The following ZFHX4 variants were observed in gnomAD, a reference collection of about 807,000 sequenced individuals.
ZFHX4 encodes zinc finger homeobox protein 4.
In ZFHX4, 56 loss-of-function variants were observed where a neutral mutation model predicts 267.6. The ratio of observed to expected loss-of-function variants is 0.21; its 90% CI spans 0.17 to 0.26. ZFHX4 has a LOEUF of 0.26. Among genes scored for constraint, ZFHX4 ranks in the 10% least tolerant of loss-of-function variants. The probability of loss-of-function intolerance (pLI) is 1.00; values close to 1 mark genes in which losing one functional copy is unlikely to be tolerated. For missense variants in ZFHX4, 4,332 were observed against 4,420.0 expected (o/e 0.98, Z 0.56); for synonymous variants, 1,778 against 1,665.6 (o/e 1.07, Z -1.64).
intron 3 of ZFHX4, among the ~76,000 whole-genome samples, chr8:76,760,233 C>T (rs1223622105): frequency 6.6e-6 from 1 of 152,130 alleles, no homozygotes; most frequent in Non-Finnish European, 1.5e-5. Context: ...TAAATAGGTA[C>T]ATATACTTGG....
chr8:76,827,589 GA>G (rs372881317), intron 4 of ZFHX4, among the ~76,000 whole-genome samples: 2 of 152,188 alleles, frequency 1.3e-5, no homozygotes, highest in African/African-American at 2.4e-5. Context: ...GTAAATTTAA[GA>G]AAAAACATTT....
intron 4 of ZFHX4, among the ~76,000 whole-genome samples, chr8:76,803,102 A>G (rs567126240): frequency 4.6e-5 from 7 of 152,282 alleles, no homozygotes; most frequent in South Asian, 2.1e-4. Context: ...TGAGCTGTCA[A>G]CCAACAGTAA....
intron 4 of ZFHX4, among the ~76,000 whole-genome samples, chr8:76,789,678 G>A (rs1810783494): frequency 6.6e-6 from 1 of 152,094 alleles, no homozygotes; most frequent in Non-Finnish European, 1.5e-5. Flanking sequence ...TTGTGGATTT[G>A]AGATCTGAAG....
intron 3 of ZFHX4, among the ~76,000 whole-genome samples, chr8:76,753,172 T>G (rs755416743): frequency 2.8e-4 from 43 of 152,164 alleles, no homozygotes; most frequent in Admixed American, 9.8e-4. Flanking sequence ...CAGGCTTCTC[T>G]AGAATTAAAT....
At chr8:76,806,143 T>G (rs985450587) in intron 4 of ZFHX4, among the ~76,000 whole-genome samples, 4 of 152,134 alleles carry the variant, frequency 2.6e-5, no homozygotes, top group African/African-American at 4.8e-5. Flanking sequence ...TCAGCATGGT[T>G]CATCATCTTC....
At chr8:76,789,177 C>G (rs748127457) in intron 4 of ZFHX4, among the ~76,000 whole-genome samples, 1 of 152,128 alleles carries the variant, frequency 6.6e-6, no homozygotes, top group Non-Finnish European at 1.5e-5. Context: ...AAAATCCACT[C>G]CTGGATGAGT....
Position 76,855,254 on chromosome 8 carries a change from C to G in ZFHX4, c.8333C>G (p.Ser2778Cys). ...CCTTCTTCTTTTAAAGCAGAGTGTT[C>G]TGAGGATGTAGAGAATTTAAATGCC... ...LSPSSFKAEC[S>C]EDVENLNAPP... is the part of the protein sequence containing the mutation. Residue 2778 changes from serine to cysteine, a missense_variant, in exon 10 of 11, where the codon TCT becomes TGT. Physicochemically the swap from Ser to Cys is moderately radical, Grantham distance 112. This residue lies in a region of ZFHX4 where 1,648 missense variants were observed against 1,625.0 expected (regional missense o/e 1.01). Coordinates refer to ENST00000651372, the MANE Select transcript of ZFHX4 (RefSeq NM_024721.5). 6.2e-7 allele frequency: 1 copy of G among 1,612,312 alleles called. No homozygotes were observed. The highest frequency in any genetic ancestry group is 8.5e-7 in the Non-Finnish European group (1 of 1,179,312).
chr8:76,714,516 G>C (rs1808513822), intron 3 of ZFHX4, among the ~76,000 whole-genome samples: 1 of 152,140 alleles, frequency 6.6e-6, no homozygotes, highest in South Asian at 2.1e-4. Context: ...TGTTTGAAAG[G>C]TGAAGGACAG....
At chr8:76,751,741 A>G (rs1809618940) in intron 3 of ZFHX4, among the ~76,000 whole-genome samples, 1 of 152,164 alleles carries the variant, frequency 6.6e-6, no homozygotes, top group African/African-American at 2.4e-5. Context: ...CTCTACATAC[A>G]TCATTCTGGT....
chr8:76,854,033 A>G lies in ZFHX4; in HGVS notation c.7112A>G (p.Asp2371Gly), dbSNP rs202233116. The G allele has an allele frequency of 2.4e-5, 38 of 1,613,806 alleles. No individual in the cohort carries two copies. Among genetic ancestry groups the G allele is most frequent in the Non-Finnish European group, 3.1e-5 (37 of 1,179,878 alleles). Residue 2371 changes from aspartate (D) to glycine (G), a missense_variant, in exon 10 of 11, where the codon GAT (aspartate) becomes GGT (glycine). Coordinates refer to ENST00000651372, the MANE Select transcript of ZFHX4 (RefSeq NM_024721.5). ...CATTGCACAGTGTCTGGCCAAACGG[A>G]TGCAGCTAAAAACGCTGCTGCCCCT... Reference protein sequence around the residue: ...YKHCTVSGQTDAAKNAAAPAA... With the variant: ...YKHCTVSGQTGAAKNAAAPAA...
intron 4 of ZFHX4, among the ~76,000 whole-genome samples, chr8:76,819,319 A>G (rs534765233): frequency 6.6e-6 from 1 of 152,196 alleles, no homozygotes; most frequent in Non-Finnish European, 1.5e-5. Flanking sequence ...TATTTCATGG[A>G]ATGTGGAATA....
At chr8:76,754,751 T>G (rs13270344) in intron 3 of ZFHX4, among the ~76,000 whole-genome samples, 1 of 152,164 alleles carries the variant, frequency 6.6e-6, no homozygotes, top group East Asian at 1.9e-4. Flanking sequence ...TCACTTATTG[T>G]TAACTATATT....
chr8:76,856,175 A>C lies in ZFHX4; in HGVS notation c.9254A>C (p.Asp3085Ala). The change falls in exon 10 of 11, where the codon GAC becomes GCC. Residue 3085 changes from aspartate (D) to alanine (A), a missense_variant. Asp to Ala is a moderately radical substitution (Grantham distance 126, BLOSUM62 -2). Transcript: ENST00000651372. ...GLTVQQPGMMDSSSLHGISLP... is the reference protein window; with the variant it reads ...GLTVQQPGMMASSSLHGISLP... ...ACGGTACAGCAGCCAGGCATGATGG[A>C]CAGCAGTTCTCTCCACGGCATCAGC... 1.2e-6 allele frequency: 2 copies of C among 1,613,976 alleles called. No homozygotes were observed. The highest frequency in any genetic ancestry group is 1.7e-6 in the Non-Finnish European group (2 of 1,179,856).
chr8:76,780,441 GA>G (rs1251590909), intron 4 of ZFHX4, among the ~76,000 whole-genome samples: 1 of 152,150 alleles, frequency 6.6e-6, no homozygotes, highest in African/African-American at 2.4e-5. Context: ...TATCAGTAGG[GA>G]AAAATTCTTG....
intron 10 of ZFHX4, among the ~76,000 whole-genome samples, chr8:76,857,575 C>T (rs779365656): frequency 6.6e-6 from 1 of 152,040 alleles, no homozygotes. Context: ...TCAGCCACCG[C>T]TAGCTTACCT....
chr8:76,769,587 A>C (rs1333601283), intron 3 of ZFHX4, among the ~76,000 whole-genome samples: 1 of 152,134 alleles, frequency 6.6e-6, no homozygotes, highest in African/African-American at 2.4e-5. Flanking sequence ...CCTGGGCTCA[A>C]GCCATCTGCC....
rs957096915 is a variant in ZFHX4 at position 76,864,612 on chromosome 8, T to A, written c.*47T>A. 38 of 1,225,180 alleles carry A rather than the reference T, an allele frequency of 3.1e-5. No individual in the cohort carries two copies. The highest frequency in any genetic ancestry group is 2.9e-4 in the Middle Eastern group (1 of 3,422). 75.9% of individuals were successfully genotyped at this position (1,225,180 alleles called of 1,614,324 possible). A position where few individuals can be genotyped will look rare whatever the true frequency, so the allele number is the denominator to read the frequency against. ...CTTAAAAAAATAAAAAATAAAAAAA[T>A]AAAAAAAAAATAAGACTTTAACTGC... On this transcript the variant is annotated 3_prime_UTR_variant, in exon 11 of 11. Coordinates refer to ENST00000651372, the MANE Select transcript of ZFHX4 (RefSeq NM_024721.5).
chr8:76,847,632 C>T (rs766620929), intron 6 of ZFHX4, among the ~76,000 whole-genome samples: 2 of 152,008 alleles, frequency 1.3e-5, no homozygotes, highest in African/African-American at 2.4e-5. Context: ...TTTTGATCTG[C>T]ATGGAATCAC....
In ZFHX4 at chr8:76,706,640, T is replaced by G; in HGVS notation, c.2552T>G (p.Leu851Arg). ...CAGCTGATGATCAATCCATTCCAGC[T>G]GGATCCAGCGACAGCAGCGGCTTTG... ...DPQLMINPFQLDPATAAALAP... is the reference protein window; with the variant it reads ...DPQLMINPFQRDPATAAALAP... Residue 851 changes from leucine to arginine, a missense_variant, in exon 2 of 11, where the codon CTG becomes CGG. Transcript: ENST00000651372. 1 of 1,602,762 alleles carries G rather than the reference T, an allele frequency of 6.2e-7. No homozygotes were observed. The highest frequency in any genetic ancestry group is 8.5e-7 in the Non-Finnish European group (1 of 1,175,822).
Sources: gnomAD v4.1 joint callset for allele counts (sites outside exome capture counted in the v4.1 genomes callset) on GRCh38, gnomAD v4.1.1 for gene constraint, gnomAD v4.1.1 regional missense constraint, MANE v1.5 for transcripts, NCBI Gene and HGNC (gene_info 2026-07-23, HGNC 2026-07-21) for gene names.